The following TRIM71 variants were observed in gnomAD, a reference collection of about 807,000 sequenced individuals.
TRIM71 encodes E3 ubiquitin-protein ligase TRIM71.
A neutral mutation model predicts 61.2 loss-of-function variants in TRIM71; 9 were observed. The ratio of observed to expected loss-of-function variants is 0.15; its 90% CI spans 0.09 to 0.26. The LOEUF (loss-of-function observed/expected upper bound fraction) is 0.26, where lower values mean the gene tolerates loss of function less well. TRIM71 is among the 10% of genes least tolerant of loss of function. TRIM71 has a pLI of 1.00. For missense variants in TRIM71, 998 were observed against 1,238.7 expected (o/e 0.81, Z 2.92); for synonymous variants, 645 against 553.2 (o/e 1.17, Z -2.33).
chr3:32,884,157 G>C (rs1466709104), intron 2 of TRIM71, among the ~76,000 whole-genome samples: 4 of 152,028 alleles, frequency 2.6e-5, no homozygotes, highest in African/African-American at 4.8e-5. Flanking sequence ...CACCATGTTG[G>C]CCAGGCTGGT....
At chr3:32,863,580 A>G (rs1696698043) in intron 1 of TRIM71, among the ~76,000 whole-genome samples, 1 of 152,166 alleles carries the variant, frequency 6.6e-6, no homozygotes, top group Non-Finnish European at 1.5e-5. Flanking sequence ...TTATCTTCAT[A>G]TATTAATAAA....
intron 2 of TRIM71, among the ~76,000 whole-genome samples, chr3:32,881,092 C>T (rs537932767): frequency 6.6e-6 from 1 of 152,082 alleles, no homozygotes; most frequent in Non-Finnish European, 1.5e-5. Context: ...GATTTTGGCT[C>T]ACTGCAACTT....
At chr3:32,836,421 T>C (rs1322931894) in intron 1 of TRIM71, among the ~76,000 whole-genome samples, 2 of 152,252 alleles carry the variant, frequency 1.3e-5, no homozygotes, top group African/African-American at 2.4e-5. Context: ...ATTCAATTTG[T>C]AGGCATTTTG....
intron 1 of TRIM71, among the ~76,000 whole-genome samples, chr3:32,839,552 C>T (rs1157933174): frequency 2.0e-5 from 3 of 151,368 alleles, no homozygotes; most frequent in Admixed American, 1.3e-4. Context: ...CAAGGAGGAA[C>T]GTCTGACCCG....
chr3:32,840,076 A>G (rs1227455334), intron 1 of TRIM71, among the ~76,000 whole-genome samples: 2 of 152,196 alleles, frequency 1.3e-5, no homozygotes, highest in African/African-American at 4.8e-5. Flanking sequence ...CTGCCTCAAA[A>G]TGTCTTTCCC....
Position 32,818,948 on chromosome 3 carries a change from C to T in TRIM71, c.852+16C>T, listed in dbSNP as rs750522197. On this transcript the variant is annotated intron_variant, in intron 1 of 3. Coordinates refer to ENST00000383763, the MANE Select transcript of TRIM71 (RefSeq NM_001039111.3). The stretch of plus-strand genomic sequence containing the variant: ...CGACGACGAGGTGAGTGCGTGGGGG[C>T]GTGTGTTTGTGTCCATCGGATAACT... 6 of 1,607,930 alleles carry T rather than the reference C, an allele frequency of 3.7e-6. No homozygotes were observed. The South Asian group carries it at 6.6e-5, about 18-fold the overall frequency.
At chr3:32,874,447 C>G (rs1696833599) in intron 2 of TRIM71, among the ~76,000 whole-genome samples, 1 of 151,968 alleles carries the variant, frequency 6.6e-6, no homozygotes, top group African/African-American at 2.4e-5. Flanking sequence ...ACCACAACCT[C>G]CACCTCCCGG....
At chr3:32,884,761 A>G (rs947435698) in intron 2 of TRIM71, among the ~76,000 whole-genome samples, 2 of 152,118 alleles carry the variant, frequency 1.3e-5, no homozygotes, top group Admixed American at 6.5e-5. Context: ...AAATTTTATG[A>G]TAGGAGCTAA....
At chr3:32,847,278 C>T (rs1696486638) in intron 1 of TRIM71, among the ~76,000 whole-genome samples, 1 of 150,848 alleles carries the variant, frequency 6.6e-6, no homozygotes, top group Admixed American at 6.6e-5. Context: ...CACACCGCAA[C>T]CTCCGCGTCC....
chr3:32,820,850 A>G (rs1272445583), intron 1 of TRIM71, among the ~76,000 whole-genome samples: 7 of 152,236 alleles, frequency 4.6e-5, no homozygotes, highest in East Asian at 1.9e-4. Flanking sequence ...AGCATGTGCA[A>G]TGTCAGGTTG....
Position 32,890,934 on chromosome 3 carries a change from A to G in TRIM71, c.1730A>G (p.Lys577Arg). Residue 577 changes from lysine to arginine, a missense_variant, in exon 4 of 4, where the codon AAG becomes AGG. Lys to Arg is a conservative substitution (Grantham distance 26, BLOSUM62 2). Transcript: ENST00000383763. This position sits in a 1 kb window ranked among gnomAD's most constrained non-coding sequence, Gnocchi z 6.2. Reference sequence around the variant, plus strand: ...CAGCACATTGAGAACAGCCCTTTCAAGGTGGTGGTCAAGTCAGGCCGCAGC... The same window carrying G: ...CAGCACATTGAGAACAGCCCTTTCAGGGTGGTGGTCAAGTCAGGCCGCAGC... ...CNQHIENSPF[K>R]VVVKSGRSYV... 1 of 1,614,204 alleles carries G rather than the reference A, an allele frequency of 6.2e-7. No individual in the cohort carries two copies. Among genetic ancestry groups the G allele is most frequent in the South Asian group, 1.1e-5 (1 of 91,086 alleles).
intron 2 of TRIM71, among the ~76,000 whole-genome samples, chr3:32,874,362 ACTACT>A (rs780142830): frequency 0.15 from 22,133 of 148,750 alleles, 1,624 homozygotes; most frequent in Non-Finnish European, 0.17. Context: ...TACTACTACT[ACTACT>A]ACAACATATT....
At position 32,893,577 on chromosome 3, in the gene TRIM71, C is replaced by T. The variant is rs1166778005; in HGVS notation, c.*1766C>T. The T allele has an allele frequency of 6.6e-6, 1 of 152,166 alleles. No homozygotes were observed. Among genetic ancestry groups the T allele is most frequent in the Non-Finnish European group, 1.5e-5 (1 of 68,038 alleles). The allele number at this position is 152,166 out of a possible 1,614,324, so 9.4% of individuals were successfully genotyped here. On this transcript the variant is annotated 3_prime_UTR_variant, in exon 4 of 4. Coordinates refer to ENST00000383763, the MANE Select transcript of TRIM71 (RefSeq NM_001039111.3). ...AAACGTCAGTGACTTACAAGGGAGACCTCTTGTTTAAAGACTTATGGATCA... is the reference window on the plus strand; with the variant it reads ...AAACGTCAGTGACTTACAAGGGAGATCTCTTGTTTAAAGACTTATGGATCA...
intron 1 of TRIM71, among the ~76,000 whole-genome samples, chr3:32,865,801 C>CG (rs1696727784): frequency 3.2e-5 from 1 of 31,622 alleles, no homozygotes; most frequent in African/African-American, 1.3e-4. Flanking sequence ...GGCCCCCCCC[C>CG]CCCCCCGCCC....
Position 32,890,690 on chromosome 3 carries a change from C to T in TRIM71, c.1486C>T (p.Arg496Cys), listed in dbSNP as rs372088601. 70 of 1,614,002 alleles carry T rather than the reference C, an allele frequency of 4.3e-5. No individual in the cohort carries two copies. The highest frequency in any genetic ancestry group is 8.0e-5 in the African/African-American group (6 of 75,060). The change falls in exon 4 of 4, where the codon CGT (arginine) becomes TGT (cysteine). Residue 496 changes from arginine to cysteine, a missense_variant. Physicochemically the swap from Arg to Cys is radical, Grantham distance 180. Around this residue, in one of 5 missense-constraint regions of TRIM71, gnomAD observed 291 missense variants for 431.2 expected, o/e 0.67. Coordinates refer to ENST00000383763, the MANE Select transcript of TRIM71 (RefSeq NM_001039111.3). This position sits in a 1 kb window ranked among gnomAD's most constrained non-coding sequence, Gnocchi z 6.2. ...CAAGGCCACAGGCGATGGCCTCAAG[C>T]GTGCCCTCCAGGGTAAGGTGGCCTC... ...LTKATGDGLK[R>C]ALQGKVASFT...
Position 32,894,952 on chromosome 3 carries a change from C to T in TRIM71, c.*3141C>T, listed in dbSNP as rs964230098. The T allele has an allele frequency of 1.3e-5, 2 of 152,104 alleles. No individual in the cohort carries two copies. Among genetic ancestry groups the T allele is most frequent in the Middle Eastern group, 3.4e-3 (1 of 294 alleles). 9.4% of individuals were successfully genotyped at this position (152,104 alleles called of 1,614,324 possible). A position where few individuals can be genotyped will look rare whatever the true frequency, so the allele number is the denominator to read the frequency against. On this transcript the variant is annotated 3_prime_UTR_variant, in exon 4 of 4. Transcript: ENST00000383763. ...GGAGTAAGTATGACAATTACTAGTC[C>T]CCATGGAGGTCTGATCTGGTCAGGT...
intron 1 of TRIM71, among the ~76,000 whole-genome samples, chr3:32,869,447 T>C (rs113289943): frequency 7.8e-4 from 119 of 152,374 alleles, no homozygotes; most frequent in African/African-American, 2.6e-3. Context: ...GTTTTAAACC[T>C]GAAGCTCATT....
At chr3:32,881,839 G>T (rs72852844) in intron 2 of TRIM71, among the ~76,000 whole-genome samples, 1,827 of 152,280 alleles carry the variant, frequency 0.012, 40 homozygotes, top group African/African-American at 0.041. Flanking sequence ...GCCATGCTTG[G>T]CTGGGTCGTG....
rs1170257120 is a variant in TRIM71, at chr3:32,818,046, C to T, written c.-35C>T. On this transcript the variant is annotated 5_prime_UTR_variant, in exon 1 of 4. Transcript: ENST00000383763. The stretch of plus-strand genomic sequence containing the variant: ...CTCTCCTCCTCCTCCTCCTCTTCCT[C>T]TCTGGTCTCCTCCCTCCTCCGGGCT... 1.6e-5 allele frequency: 25 copies of T among 1,599,660 alleles called. No homozygotes were observed. Among genetic ancestry groups the T allele is most frequent in the South Asian group, 2.2e-5 (2 of 90,612 alleles).
Sources: gnomAD v4.1 joint callset for allele counts (sites outside exome capture counted in the v4.1 genomes callset) on GRCh38, gnomAD v4.1.1 for gene constraint, gnomAD v4.1.1 regional missense constraint, Gnocchi (gnomAD v3.1) non-coding constraint, MANE v1.5 for transcripts, NCBI Gene and HGNC (gene_info 2026-07-23, HGNC 2026-07-21) for gene names.